MIER3: variants seen among roughly 807,000 people sequenced by gnomAD.
The protein encoded by MIER3 is MIER family member 3, also known as mesoderm induction early response protein 3.
MIER3 carries 9 observed loss-of-function variants against 63.2 expected under a neutral mutation model. That is an observed-to-expected ratio of 0.14 (90% CI 0.09 to 0.25). The LOEUF (loss-of-function observed/expected upper bound fraction) is 0.25. MIER3 is among the 10% of genes least tolerant of loss of function. MIER3 has a pLI of 1.00. For missense variants in MIER3, 512 were observed against 666.2 expected, an observed-to-expected ratio of 0.77 and a Z score of 2.55; for synonymous variants, 205 against 224.9, an observed-to-expected ratio of 0.91 and a Z score of 0.79.
chr5:56,950,365 A>G (rs1337358672), intron 2 of MIER3, among the ~76,000 whole-genome samples: 1 of 152,202 alleles, frequency 6.6e-6, no homozygotes, highest in Non-Finnish European at 1.5e-5. Flanking sequence ...GAAAAATAAG[A>G]TATGTAATAA....
chr5:56,933,534 A>C, intron 7 of MIER3, 136 bp from the exon 8 acceptor site: 2 of 769,058 alleles, frequency 2.6e-6, no homozygotes, highest in Non-Finnish European at 3.9e-6. Context: ...TAATCCGATT[A>C]TCCGTTAAGT....
chr5:56,928,153 T>C (rs372378559), intron 10 of MIER3: 2 of 152,230 alleles, frequency 1.3e-5, no homozygotes, highest in African/African-American at 4.8e-5. Flanking sequence ...TTAGCAATTA[T>C]GATGAAAGCT....
At chr5:56,924,868 T>C (rs1749884599) in intron 10 of MIER3, among the ~76,000 whole-genome samples, 1 of 152,252 alleles carries the variant, frequency 6.6e-6, no homozygotes, top group Non-Finnish European at 1.5e-5. Flanking sequence ...GAGTAAGTTG[T>C]GATATAAGAT....
chr5:56,940,871 T>C (rs1579857282), intron 3 of MIER3: 1 of 619,736 alleles, frequency 1.6e-6, no homozygotes, highest in Non-Finnish European at 2.0e-6. Context: ...CCATTCCCTT[T>C]GGCTCATATT....
In MIER3 at chr5:56,921,454, ATTAAT is replaced by A. The variant is rs1484726326; in HGVS notation, c.*1669_*1673del. ...ATAAATTAGAGACTGATTTTAAGTT[ATTAAT>A]TTAACTACTTTTTGTCCACTGTGCT... On this transcript the variant is annotated 3_prime_UTR_variant, in exon 13 of 13. Transcript: ENST00000381199. The A allele has an allele frequency of 1.3e-5, 2 of 152,616 alleles. No homozygotes were observed. The highest frequency in any genetic ancestry group is 4.8e-5 in the African/African-American group (2 of 41,458). 9.5% of individuals were successfully genotyped at this position (152,616 alleles called of 1,614,324 possible). A position where few individuals can be genotyped will look rare whatever the true frequency, so the allele number is the denominator to read the frequency against.
intron 8 of MIER3, among the ~76,000 whole-genome samples, chr5:56,931,386 A>T (rs1750261067): frequency 6.6e-6 from 1 of 152,168 alleles, no homozygotes; most frequent in African/African-American, 2.4e-5. Flanking sequence ...TATTAGGAAA[A>T]CTTTTAATAT....
intron 7 of MIER3, 87 bp downstream of exon 7, chr5:56,935,341 G>GGCTGGTAT (rs1215162781): frequency 1.0e-6 from 1 of 1,004,546 alleles, no homozygotes. Context: ...CTATTGCCAA[G>GGCTGGTAT]GCTGGTATAA....
Position 56,935,593 on chromosome 5 carries a change from A to G in MIER3, c.522+73T>C, listed in dbSNP as rs368659381. 9.3e-5 allele frequency: 143 copies of G among 1,531,668 alleles called. 3 individuals are homozygous for G. In the East Asian group the frequency reaches 1.4e-3, roughly 15 times the overall value. 94.9% of individuals were successfully genotyped at this position (1,531,668 alleles called of 1,614,324 possible). A position where few individuals can be genotyped will look rare whatever the true frequency, so the allele number is the denominator to read the frequency against. ...TTAATCAGTTTCTACAAGTCAAAAC[A>G]ACAAAATTATCATAAATCATTTCAG... On this transcript the variant is annotated intron_variant, in intron 6 of 12. Coordinates refer to ENST00000381199, the MANE Select transcript of MIER3 (RefSeq NM_001297599.2).
At chr5:56,935,843 T>C (rs892438607) in intron 5 of MIER3, 92 bp from the exon 6 acceptor site, 79 of 926,290 alleles carry the variant, frequency 8.5e-5, no homozygotes, top group Middle Eastern at 4.4e-4. Context: ...TTGTTAAATA[T>C]GTGAGATCAG....
chr5:56,932,826 CA>C lies in MIER3; in HGVS notation c.747+420del, dbSNP rs539765747. ...CACTTATAAAATCTAAAAGTCCAACCACAGAGAATGTTTAAATAAATGAATT... is the reference window on the plus strand; with the variant it reads ...CACTTATAAAATCTAAAAGTCCAACCCAGAGAATGTTTAAATAAATGAATT... On this transcript the variant is annotated intron_variant, in intron 8 of 12. Transcript: ENST00000381199. Among the ~76,000 whole-genome samples the C allele has an allele frequency of 4.6e-5, 7 of 151,970 alleles. No homozygotes were observed. The East Asian group carries it at 1.3e-3, about 29-fold the overall frequency.
chr5:56,934,576 A>G (rs1039416584), intron 7 of MIER3, among the ~76,000 whole-genome samples: 1 of 152,154 alleles, frequency 6.6e-6, no homozygotes, highest in African/African-American at 2.4e-5. Context: ...ATCATCAGCT[A>G]TGTTTTGCTT....
At chr5:56,930,542 A>T in intron 9 of MIER3, 122 bp downstream of exon 9, 1 of 800,254 alleles carries the variant, frequency 1.2e-6, no homozygotes, top group Non-Finnish European at 2.1e-6. Flanking sequence ...TTTGCTATGG[A>T]GCTGAACCAG....
Position 56,928,965 on chromosome 5 carries a change from TC to T in MIER3, c.830-105del, listed in dbSNP as rs2112092332. On this transcript the variant is annotated intron_variant, in intron 9 of 12. Coordinates refer to ENST00000381199, the MANE Select transcript of MIER3 (RefSeq NM_001297599.2). ...TGTAAAAGGTCACAAACTCTCTCTC[TC>T]TCTCACACACACACACTCTCTCTCT... is the stretch of plus-strand genomic sequence containing the variant. 2.8e-5 allele frequency: 12 copies of T among 430,636 alleles called. 1 individual carries two copies. The Middle Eastern group carries it at 4.4e-3, about 158-fold the overall frequency. The allele number at this position is 430,636 out of a possible 1,614,324, so 26.7% of individuals were successfully genotyped here. A position where few individuals can be genotyped will look rare whatever the true frequency, so the allele number is the denominator to read the frequency against.
At position 56,923,498 on chromosome 5, in the gene MIER3, C is replaced by T. The variant is rs747455345; in HGVS notation, c.1283G>A (p.Arg428His). The change falls in exon 13 of 13, where the codon CGT (arginine) becomes CAT (histidine). Residue 428 changes from arginine to histidine, a missense_variant. Transcript: ENST00000381199. ...AACAGGCACATGATTAACTTGTCCA[C>T]GGGGTGTGTTGCCCAGTGGAGGAAA... ...DSFPPLGNTP[R>H]GQVNHVPVVT... The T allele has an allele frequency of 1.5e-5, 24 of 1,614,156 alleles. No homozygotes were observed. In the Admixed American group the frequency reaches 1.5e-4, roughly 10 times the overall value.
At chr5:56,946,804 C>A (rs1447013140) in intron 3 of MIER3, 122 bp downstream of exon 3, 13 of 768,942 alleles carry the variant, frequency 1.7e-5, no homozygotes, top group South Asian at 2.4e-5. Flanking sequence ...GGCTATCCCC[C>A]AAAATAAGAG....
chr5:56,941,159 G>C, intron 3 of MIER3: 1 of 985,206 alleles, frequency 1.0e-6, no homozygotes, highest in African/African-American at 1.7e-5. Flanking sequence ...GTGGGAGTAA[G>C]TCTCAAAGTC....
chr5:56,951,564 T>G (rs1241602250), intron 1 of MIER3, among the ~76,000 whole-genome samples: 1 of 152,078 alleles, frequency 6.6e-6, no homozygotes, highest in African/African-American at 2.4e-5. Flanking sequence ...CATCCCGCTC[T>G]TCTCCGCGCC....
chr5:56,949,276 T>C (rs1750934030), intron 2 of MIER3, among the ~76,000 whole-genome samples: 1 of 152,056 alleles, frequency 6.6e-6, no homozygotes, highest in African/African-American at 2.4e-5. Context: ...GAGAACAGCT[T>C]GAACCTCAAA....
chr5:56,951,319 G>A (rs1188701168), intron 1 of MIER3, among the ~76,000 whole-genome samples: 3 of 151,918 alleles, frequency 2.0e-5, no homozygotes, highest in Non-Finnish European at 4.4e-5. Context: ...CTCCAGCCCA[G>A]GGGCTCCTGC....
Sources: gnomAD v4.1 joint callset for allele counts (sites outside exome capture counted in the v4.1 genomes callset) on GRCh38, gnomAD v4.1.1 for gene constraint, MANE v1.5 for transcripts, NCBI Gene and HGNC (gene_info 2026-07-23, HGNC 2026-07-21) for gene names.